Variants in ERI1 observed in about 807,000 individuals in gnomAD.
ERI1 encodes exoribonuclease 1.
A neutral mutation model predicts 39.7 loss-of-function variants in ERI1; 39 were observed. The ratio of observed to expected loss-of-function variants is 0.98; its 90% CI spans 0.76 to 1.28. The LOEUF (loss-of-function observed/expected upper bound fraction) is 1.28. ERI1 is among the 50% of genes most tolerant of loss of function. The probability of loss-of-function intolerance (pLI) is 0.00; values close to 1 mark genes in which losing one functional copy is unlikely to be tolerated. For synonymous variants in ERI1, 204 were observed against 149.6 expected, an observed-to-expected ratio of 1.36 and a Z score of -2.65; for missense variants, 581 against 416.9, an observed-to-expected ratio of 1.39 and a Z score of -3.43.
chr8:9,036,866 C>T (rs1032151609), downstream of ERI1, among the ~76,000 whole-genome samples: 2 of 152,114 alleles, frequency 1.3e-5, no homozygotes, highest in Non-Finnish European at 2.9e-5. Context: ...TGAACATAGA[C>T]CTGTTTTCCC....
intron 3 of ERI1, among the ~76,000 whole-genome samples, chr8:9,070,186 C>T (rs1401027218): frequency 6.6e-6 from 1 of 151,734 alleles, no homozygotes; most frequent in African/African-American, 2.4e-5. Context: ...TTGCAGTGAG[C>T]TGAGATTGCA....
intron 3 of ERI1, among the ~76,000 whole-genome samples, chr8:9,096,591 G>C (rs982213634): frequency 1.3e-5 from 2 of 151,874 alleles, no homozygotes; most frequent in African/African-American, 4.8e-5. Flanking sequence ...CCTCGGAAGT[G>C]TGGTCCAGCT....
At chr8:9,024,407 C>CTTTTCTTT (rs1554519008) in intron 6 of ERI1, among the ~76,000 whole-genome samples, 19 of 151,166 alleles carry the variant, frequency 1.3e-4, no homozygotes, top group African/African-American at 4.6e-4. Context: ...CTTCTTTTTT[C>CTTTTCTTT]TCTTTTCTTT....
rs753348302 is a variant in ERI1, at chr8:9,029,862, A to G, written c.878A>G (p.His293Arg). 2.5e-5 allele frequency: 40 copies of G among 1,614,080 alleles called. No homozygotes were observed. Among genetic ancestry groups the G allele is most frequent in the Non-Finnish European group, 3.2e-5 (38 of 1,180,038 alleles). The change falls in exon 7 of 7, where the codon CAC becomes CGC. Residue 293 changes from histidine (H) to arginine (R), a missense_variant. Physicochemically the swap from His to Arg is conservative, Grantham distance 29 (BLOSUM62 0). Transcript: ENST00000250263. ...GGAATGGATTATGATGGGCGGCCTC[A>G]CTGTGGTCTTGATGACTCTAAGAAT... ...KLGMDYDGRP[H>R]CGLDDSKNIA...
At chr8:9,025,671 C>G (rs1009060358) in intron 6 of ERI1, among the ~76,000 whole-genome samples, 1 of 151,110 alleles carries the variant, frequency 6.6e-6, no homozygotes, top group Non-Finnish European at 1.5e-5. Flanking sequence ...TTTGGGCACT[C>G]TCTAGGACTT....
At chr8:9,071,162 C>T (rs376816946) in intron 3 of ERI1, among the ~76,000 whole-genome samples, 11 of 152,130 alleles carry the variant, frequency 7.2e-5, no homozygotes, top group Non-Finnish European at 2.9e-5. Context: ...CTGTCTAACG[C>T]GGGGCATTAT....
downstream of ERI1, among the ~76,000 whole-genome samples, chr8:9,036,993 C>G (rs1240444409): frequency 2.0e-5 from 3 of 152,208 alleles, no homozygotes; most frequent in African/African-American, 7.2e-5. Context: ...TGTCCAGTCA[C>G]TTTATCCTCA....
chr8:9,088,927 T>C (rs1168923425), intron 3 of ERI1, among the ~76,000 whole-genome samples: 1 of 152,216 alleles, frequency 6.6e-6, no homozygotes, highest in Non-Finnish European at 1.5e-5. Context: ...GTGCTCCTCC[T>C]ACCCTGGAGA....
At chr8:9,025,702 T>TTTTTGTGTGTG (rs1554519271) in intron 6 of ERI1, among the ~76,000 whole-genome samples, 3 of 147,772 alleles carry the variant, frequency 2.0e-5, no homozygotes, top group Admixed American at 6.7e-5. Context: ...TCTTTTTTTT[T>TTTTTGTGTGTG]TGTGTGTGTG....
chr8:9,011,720 G>T lies in ERI1; in HGVS notation c.466G>T (p.Val156Phe). Residue 156 changes from valine to phenylalanine, a missense_variant, in exon 3 of 7, where the codon GTT becomes TTT. Val to Phe is a conservative substitution (Grantham distance 50). Coordinates refer to ENST00000250263, the MANE Select transcript of ERI1 (RefSeq NM_153332.4). ...EFVHEIIEFP[V>F]VLLNTHTLEI... ...TGTACATGAAATAATTGAATTTCCG[G>T]TTGTTTTACTGAATACGCATACTTT... 3.7e-6 allele frequency: 6 copies of T among 1,610,976 alleles called. No homozygotes were observed. Among genetic ancestry groups the T allele is most frequent in the Non-Finnish European group, 5.1e-6 (6 of 1,178,338 alleles).
intron 3 of ERI1, among the ~76,000 whole-genome samples, chr8:9,042,376 T>C (rs544063219): frequency 6.0e-4 from 91 of 152,202 alleles, no homozygotes; most frequent in Non-Finnish European, 1.1e-3. Context: ...TTCTTGAGTA[T>C]TTCATAGGTG....
intron 3 of ERI1, among the ~76,000 whole-genome samples, chr8:9,046,041 A>C (rs916135066): frequency 1.3e-5 from 2 of 152,180 alleles, no homozygotes; most frequent in Admixed American, 1.3e-4. Context: ...TAGGGGGCGG[A>C]GTTGGGCCTG....
At chr8:9,082,223 T>C (rs991951730) in intron 3 of ERI1, among the ~76,000 whole-genome samples, 7 of 152,182 alleles carry the variant, frequency 4.6e-5, no homozygotes, top group African/African-American at 7.2e-5. Flanking sequence ...GTCCTAAGAC[T>C]CTTGTTTTCT....
At chr8:9,060,682 A>C (rs532096432) in intron 3 of ERI1, among the ~76,000 whole-genome samples, 1 of 152,238 alleles carries the variant, frequency 6.6e-6, no homozygotes, top group South Asian at 2.1e-4. Flanking sequence ...GTGGGAAGAG[A>C]TTGATAGGTG....
Position 9,016,294 on chromosome 8 carries a change from ACTTTAACTTG to A in ERI1, c.499-25_499-16del, listed in dbSNP as rs759102125. On this transcript the variant is annotated intron_variant, in intron 3 of 6. Transcript: ENST00000250263. ...TCGTGTATCTTAACTCATATAAATT[ACTTTAACTTG>A]CTATCCTTCCCTTGCAGGAAGACAC... 4.6e-5 allele frequency: 67 copies of A among 1,444,402 alleles called. No homozygotes were observed. Among genetic ancestry groups the A allele is most frequent in the Non-Finnish European group, 6.3e-5 (66 of 1,040,560 alleles). The allele number at this position is 1,444,402 out of a possible 1,614,324, so 89.5% of individuals were successfully genotyped here.
chr8:9,004,460 C>A (rs1237496891), intron 1 of ERI1, among the ~76,000 whole-genome samples: 2 of 143,658 alleles, frequency 1.4e-5, no homozygotes, highest in Non-Finnish European at 1.5e-5. Flanking sequence ...TAAAAACTTA[C>A]TGTTGCATGC....
At chr8:9,003,522 A>G (rs960511023) in intron 1 of ERI1, among the ~76,000 whole-genome samples, 2 of 152,204 alleles carry the variant, frequency 1.3e-5, no homozygotes, top group African/African-American at 4.8e-5. Context: ...TATGTTTTTA[A>G]AATCTCACCA....
At chr8:9,008,594 A>T (rs1423036964) in intron 2 of ERI1, among the ~76,000 whole-genome samples, 1 of 152,242 alleles carries the variant, frequency 6.6e-6, no homozygotes, top group Admixed American at 6.5e-5. Flanking sequence ...TTTCTAAAAA[A>T]TAATCTACAA....
At chr8:9,004,077 C>T in intron 1 of ERI1, 2 of 1,289,236 alleles carry the variant, frequency 1.6e-6, no homozygotes, top group Non-Finnish European at 2.0e-6. Flanking sequence ...TTCCCAGTGC[C>T]CCTCGCTGCC....
Sources: gnomAD v4.1 joint callset for allele counts (sites outside exome capture counted in the v4.1 genomes callset) on GRCh38, gnomAD v4.1.1 for gene constraint, MANE v1.5 for transcripts, NCBI Gene and HGNC (gene_info 2026-07-23, HGNC 2026-07-21) for gene names.